The following MTUS2 variants were observed in gnomAD, a reference collection of about 807,000 sequenced individuals.
The protein encoded by MTUS2 is microtubule-associated tumor suppressor candidate 2.
MTUS2 carries 40 observed loss-of-function variants against 114.1 expected under a neutral mutation model. The ratio of observed to expected loss-of-function variants is 0.35; its 90% CI spans 0.27 to 0.46. MTUS2 has a LOEUF of 0.46. MTUS2 is among the 20% of genes least tolerant of loss of function. The pLI is 1.00. For missense variants in MTUS2, 1,679 were observed against 1,705.4 expected (o/e 0.98, Z 0.27); for synonymous variants, 688 against 672.0 (o/e 1.02, Z -0.37).
chr13:29,083,778 A>G (rs751411682), intron 4 of MTUS2, among the ~76,000 whole-genome samples: 3 of 152,192 alleles, frequency 2.0e-5, no homozygotes, highest in Non-Finnish European at 4.4e-5. Flanking sequence ...TACTAGGGGT[A>G]TGGTCCATGG....
chr13:29,309,924 C>A (rs1403634188), intron 6 of MTUS2, among the ~76,000 whole-genome samples: 1 of 152,070 alleles, frequency 6.6e-6, no homozygotes, highest in East Asian at 1.9e-4. Flanking sequence ...ACAAACAATT[C>A]AGTTATCCTC....
At chr13:28,847,057 C>T (rs566390360) in intron 2 of MTUS2, among the ~76,000 whole-genome samples, 17 of 152,250 alleles carry the variant, frequency 1.1e-4, no homozygotes, top group African/African-American at 3.6e-4. Flanking sequence ...TTGTGGTTCT[C>T]ATAGTTTTAA....
At chr13:28,852,948 A>AATAC (rs71090209) in intron 2 of MTUS2, among the ~76,000 whole-genome samples, 95 of 9,182 alleles carry the variant, frequency 0.01, 1 homozygote, top group Non-Finnish European at 0.017. Context: ...CTCTGTCTTA[A>AATAC]ATACATACAT....
intron 1 of MTUS2, among the ~76,000 whole-genome samples, chr13:28,837,466 C>T (rs1437612251): frequency 2.6e-5 from 4 of 152,072 alleles, no homozygotes; most frequent in Admixed American, 6.6e-5. Context: ...TACCAGTGGC[C>T]TAGGGCTACT....
In MTUS2 at chr13:29,281,814, G is replaced by C. The variant is rs1242301994; in HGVS notation, c.2755G>C (p.Ala919Pro). The C allele has an allele frequency of 5.6e-6, 9 of 1,611,514 alleles. No homozygotes were observed. Among genetic ancestry groups the C allele is most frequent in the Non-Finnish European group, 7.6e-6 (9 of 1,178,134 alleles). Residue 919 changes from alanine to proline, a missense_variant, in exon 6 of 16, where the codon GCA (alanine) becomes CCA (proline). Ala to Pro is a conservative substitution (Grantham distance 27). Around this residue, in one of 3 missense-constraint regions of MTUS2, gnomAD observed 822 missense variants for 899.7 expected, o/e 0.91. Transcript: ENST00000612955. ...VAPPASSSVT[A>P]PRRSLLPAPK... is the part of the protein sequence containing the mutation. Reference sequence around the variant, plus strand: ...CCCTCCAGCATCCTCCAGTGTGACAGCACCCCGCAGGAGTTTACTTCCAGC... The same window carrying C: ...CCCTCCAGCATCCTCCAGTGTGACACCACCCCGCAGGAGTTTACTTCCAGC...
chr13:29,383,699 G>A (rs577728749), intron 8 of MTUS2, among the ~76,000 whole-genome samples: 3 of 152,110 alleles, frequency 2.0e-5, no homozygotes, highest in South Asian at 2.1e-4. Flanking sequence ...GAAGGTGCAC[G>A]CAGAAGCCCG....
chr13:28,999,546 A>G (rs575050648), intron 2 of MTUS2, among the ~76,000 whole-genome samples: 1 of 152,362 alleles, frequency 6.6e-6, no homozygotes, highest in African/African-American at 2.4e-5. Context: ...GTGATATTTC[A>G]ATATGTGCAT....
intron 6 of MTUS2, among the ~76,000 whole-genome samples, chr13:29,316,506 G>A (rs183378051): frequency 6.6e-5 from 10 of 152,198 alleles, no homozygotes; most frequent in Middle Eastern, 3.4e-3. Context: ...CCAACACCCC[G>A]ACTCTCTTCT....
chr13:29,001,529 G>A (rs1337268001), intron 2 of MTUS2, among the ~76,000 whole-genome samples: 1 of 152,226 alleles, frequency 6.6e-6, no homozygotes, highest in Non-Finnish European at 1.5e-5. Flanking sequence ...AACGCAGGCA[G>A]ATATGGGTAG....
chr13:29,229,465 A>G lies in MTUS2; in HGVS notation c.2645-52239A>G, dbSNP rs1896240321. ...CATTGACATTTTCATGGAGCCATCC[A>G]AAGTAGCTATATTATTAACGACAGA... is the stretch of plus-strand genomic sequence containing the variant. On this transcript the variant is annotated intron_variant, in intron 5 of 15. Coordinates refer to ENST00000612955, the MANE Select transcript of MTUS2 (RefSeq NM_001033602.4). 3.3e-5 allele frequency among the ~76,000 whole-genome samples: 5 copies of G among 152,324 alleles called. No individual in the cohort carries two copies. In the South Asian group the frequency reaches 1.0e-3, roughly 32 times the overall value.
At chr13:28,996,967 AGTT>A in intron 2 of MTUS2, among the ~76,000 whole-genome samples, 1 of 152,018 alleles carries the variant, frequency 6.6e-6, no homozygotes. Flanking sequence ...CTGCTTCTCT[AGTT>A]CTTTTAATTG....
intron 8 of MTUS2, among the ~76,000 whole-genome samples, chr13:29,425,543 T>TA (rs1158064166): frequency 6.6e-6 from 1 of 152,058 alleles, no homozygotes; most frequent in Non-Finnish European, 1.5e-5. Flanking sequence ...GAAGAAAAAG[T>TA]AAAAAAATAG....
At chr13:29,083,848 T>C (rs1889552862) in intron 4 of MTUS2, among the ~76,000 whole-genome samples, 1 of 152,204 alleles carries the variant, frequency 6.6e-6, no homozygotes, top group Non-Finnish European at 1.5e-5. Flanking sequence ...TTTAAATGTA[T>C]TGATCATTAG....
At chr13:29,498,599 GTCA>G in intron 14 of MTUS2, 62 bp downstream of exon 14, 1 of 1,603,148 alleles carries the variant, frequency 6.2e-7, no homozygotes, top group Non-Finnish European at 8.5e-7. Context: ...CATCACTGAT[GTCA>G]TCGTTGATGG....
chr13:29,099,814 A>G (rs1890333228), intron 4 of MTUS2, among the ~76,000 whole-genome samples: 1 of 152,154 alleles, frequency 6.6e-6, no homozygotes, highest in Non-Finnish European at 1.5e-5. Flanking sequence ...GAGCATTTGT[A>G]TATTGACAAT....
intron 5 of MTUS2, among the ~76,000 whole-genome samples, chr13:29,115,833 A>G (rs1468091404): frequency 1.3e-5 from 2 of 152,190 alleles, no homozygotes; most frequent in African/African-American, 4.8e-5. Flanking sequence ...AAAAGGAAGC[A>G]TTTGAACTCA....
chr13:29,256,304 C>CAA (rs1897281556), intron 5 of MTUS2, among the ~76,000 whole-genome samples: 9 of 152,198 alleles, frequency 5.9e-5, no homozygotes, highest in Non-Finnish European at 8.8e-5. Context: ...AGAGAGGAAT[C>CAA]TGGTGGCCAG....
intron 2 of MTUS2, among the ~76,000 whole-genome samples, chr13:28,878,647 C>G (rs1467536790): frequency 6.6e-6 from 1 of 152,214 alleles, no homozygotes; most frequent in Non-Finnish European, 1.5e-5. Context: ...CATGTCCCTG[C>G]AAAAGACATG....
intron 2 of MTUS2, among the ~76,000 whole-genome samples, chr13:28,902,263 T>G (rs1879690517): frequency 6.6e-6 from 1 of 152,192 alleles, no homozygotes; most frequent in South Asian, 2.1e-4. Context: ...GCAAATTATA[T>G]GCAAACCAGG....
Sources: allele counts gnomAD v4.1 joint callset (sites outside exome capture counted in the v4.1 genomes callset), GRCh38; gene constraint gnomAD v4.1.1; regional missense constraint gnomAD v4.1.1; transcripts MANE v1.5; gene names NCBI Gene and HGNC (gene_info 2026-07-23, HGNC 2026-07-21).